The following KCNG2 variants were observed in gnomAD, a reference collection of about 807,000 sequenced individuals.
KCNG2 encodes voltage-gated potassium channel regulatory subunit KCNG2.
Under a neutral mutation model 12.3 loss-of-function variants are expected in KCNG2, and 7 were observed. The ratio of observed to expected loss-of-function variants is 0.57; its 90% confidence interval spans 0.32 to 1.07. KCNG2 has a LOEUF of 1.07. KCNG2 is among the 50% of genes least tolerant of loss of function. The pLI, the probability that KCNG2 is intolerant of heterozygous loss-of-function variation, is 0.04. For synonymous variants in KCNG2, 414 were observed against 351.4 expected, an observed-to-expected ratio of 1.18 and a Z score of -1.99; for missense variants, 703 against 726.0, an observed-to-expected ratio of 0.97 and a Z score of 0.36.
rs1980424502 is a variant in KCNG2 at position 79,884,075 on chromosome 18, C to G, written c.625-14965C>G. On this transcript the variant is annotated intron_variant, in intron 3 of 3. Coordinates refer to ENST00000316249, the MANE Select transcript of KCNG2 (RefSeq NM_012283.2). This position sits in a 1 kb window ranked among gnomAD's most constrained non-coding sequence, Gnocchi z 5.5. Reference sequence around the variant, plus strand: ...GCCATCTTTTCTTCTCCCAGTGCCTCCCGGAGGCTGGGCCCTCTTCTCCCA... The same window carrying G: ...GCCATCTTTTCTTCTCCCAGTGCCTGCCGGAGGCTGGGCCCTCTTCTCCCA... Among the ~76,000 whole-genome samples, 1 of 151,988 alleles carries G rather than the reference C, an allele frequency of 6.6e-6. No homozygotes were observed. Among genetic ancestry groups the G allele is most frequent in the African/African-American group, 2.4e-5 (1 of 41,372 alleles).
At chr18:79,870,599 T>C (rs1979792122) in intron 3 of KCNG2, among the ~76,000 whole-genome samples, 1 of 152,234 alleles carries the variant, frequency 6.6e-6, no homozygotes, top group African/African-American at 2.4e-5. Flanking sequence ...TGCCCGCTGT[T>C]GGAGGTTTCT....
At chr18:79,864,988 T>C (rs369450253) in intron 3 of KCNG2, among the ~76,000 whole-genome samples, 2 of 131,610 alleles carry the variant, frequency 1.5e-5, no homozygotes, top group Non-Finnish European at 3.4e-5. Context: ...GAGAGGTCTG[T>C]GTGCTGAGAG....
At chr18:79,874,826 T>A (rs1980003862) in intron 3 of KCNG2, among the ~76,000 whole-genome samples, 1 of 152,202 alleles carries the variant, frequency 6.6e-6, no homozygotes, top group Non-Finnish European at 1.5e-5. Flanking sequence ...CACGGTCACG[T>A]GTGCTCCTGC....
intron 1 of KCNG2, among the ~76,000 whole-genome samples, chr18:79,839,748 A>G (rs1236376779): frequency 1.3e-5 from 2 of 152,218 alleles, no homozygotes. Context: ...ATATTAGCAA[A>G]TAGAAATCAG....
At chr18:79,832,407 G>C (rs148042012) in intron 1 of KCNG2, among the ~76,000 whole-genome samples, 3 of 145,170 alleles carry the variant, frequency 2.1e-5, no homozygotes, top group Admixed American at 2.0e-4. Flanking sequence ...GCTCTCATCT[G>C]TCCATCCTCA....
At chr18:79,849,415 A>G (rs1978737892) in intron 1 of KCNG2, among the ~76,000 whole-genome samples, 1 of 152,144 alleles carries the variant, frequency 6.6e-6, no homozygotes, top group Non-Finnish European at 1.5e-5. Context: ...CTGCACCCCC[A>G]TCTGACCCCA....
At chr18:79,823,678 A>G (rs2087589424) in intron 1 of KCNG2, among the ~76,000 whole-genome samples, 1 of 152,038 alleles carries the variant, frequency 6.6e-6, no homozygotes, top group South Asian at 2.1e-4. Context: ...TTAAGAGTTC[A>G]TGCTATATGA....
Position 79,899,348 on chromosome 18 carries a change from G to A in KCNG2, c.933G>A (p.Leu311=). Residue 311 remains leucine (L), a synonymous_variant, in exon 4 of 4, where the codon CTG becomes CTA. Transcript: ENST00000316249. The stretch of plus-strand genomic sequence containing the variant: ...GCCACTCGCTGGGGCTGCGTTCGCT[G>A]GGCCTGACCATGCGCCGCTGCGCGC... ...LARHSLGLRS[L]GLTMRRCARE... is the part of the protein sequence containing the mutation. The A allele has an allele frequency of 6.4e-7, 1 of 1,555,214 alleles. No homozygotes were observed. Among genetic ancestry groups the A allele is most frequent in the South Asian group, 1.2e-5 (1 of 85,752 alleles).
At chr18:79,809,822 C>A (rs1408335972) in intron 1 of KCNG2, among the ~76,000 whole-genome samples, 1 of 152,262 alleles carries the variant, frequency 6.6e-6, no homozygotes, top group Non-Finnish European at 1.5e-5. Context: ...CCAGAAAAAA[C>A]AAGAATGTGG....
chr18:79,890,372 C>T (rs747436080), intron 3 of KCNG2, among the ~76,000 whole-genome samples: 6 of 152,022 alleles, frequency 3.9e-5, no homozygotes, highest in South Asian at 2.1e-4. Flanking sequence ...CTCTGCTACC[C>T]GGACATATTG....
chr18:79,821,271 C>T (rs982502153), intron 1 of KCNG2, among the ~76,000 whole-genome samples: 3 of 147,298 alleles, frequency 2.0e-5, no homozygotes, highest in African/African-American at 5.0e-5. Flanking sequence ...TGGCCGTCAA[C>T]CCATTTTTAC....
At chr18:79,874,515 T>A (rs972620595) in intron 3 of KCNG2, among the ~76,000 whole-genome samples, 38 of 152,106 alleles carry the variant, frequency 2.5e-4, no homozygotes, top group Non-Finnish European at 4.4e-4. Flanking sequence ...TCTAGAGAAA[T>A]GTGTACGAAG....
At chr18:79,824,258 CAA>C (rs1337251318) in intron 1 of KCNG2, among the ~76,000 whole-genome samples, 1 of 152,258 alleles carries the variant, frequency 6.6e-6, no homozygotes, top group African/African-American at 2.4e-5. Flanking sequence ...CTTGGCCTCC[CAA>C]AGTGTGGGAT....
chr18:79,871,354 G>A (rs138047554), intron 3 of KCNG2, among the ~76,000 whole-genome samples: 71 of 152,326 alleles, frequency 4.7e-4, no homozygotes, highest in Non-Finnish European at 4.9e-4. Flanking sequence ...TGGACAGGAC[G>A]TGGGGTGTGG....
intron 1 of KCNG2, among the ~76,000 whole-genome samples, chr18:79,804,440 G>A (rs532002648): frequency 3.3e-5 from 5 of 152,244 alleles, no homozygotes; most frequent in South Asian, 2.1e-4. Flanking sequence ...CCAGTGCTGC[G>A]TCAGAGGCCC....
chr18:79,871,340 G>A (rs914677199), intron 3 of KCNG2, among the ~76,000 whole-genome samples: 1 of 152,230 alleles, frequency 6.6e-6, no homozygotes, highest in African/African-American at 2.4e-5. Context: ...ATGGACATAG[G>A]GTGTGGACAG....
chr18:79,871,616 A>G (rs1019057325), intron 3 of KCNG2, among the ~76,000 whole-genome samples: 16 of 152,156 alleles, frequency 1.1e-4, no homozygotes, highest in Middle Eastern at 3.2e-3. Context: ...TGGGCGGTGC[A>G]GGACCAGCCG....
chr18:79,885,835 G>A, intron 3 of KCNG2, among the ~76,000 whole-genome samples: 1 of 142,738 alleles, frequency 7.0e-6, no homozygotes, highest in Non-Finnish European at 1.5e-5. Flanking sequence ...GGGGACATGG[G>A]GACACGGGAC....
intron 3 of KCNG2, among the ~76,000 whole-genome samples, chr18:79,887,145 GGGACACGGGGACAGAGGGACAA>G (rs1358923428): frequency 6.7e-6 from 1 of 149,906 alleles, no homozygotes; most frequent in African/African-American, 2.5e-5. Flanking sequence ...GACACGGACA[GGGACACGGGGACAGAGGGACAA>G]GGACACAGGG....
Sources: allele counts gnomAD v4.1 joint callset (sites outside exome capture counted in the v4.1 genomes callset), GRCh38; gene constraint gnomAD v4.1.1; non-coding constraint Gnocchi (gnomAD v3.1); transcripts MANE v1.5; gene names NCBI Gene and HGNC (gene_info 2026-07-23, HGNC 2026-07-21).